Variants in CDH13 observed in about 807,000 individuals in gnomAD.
CDH13 encodes the protein cadherin 13.
In CDH13, 24 loss-of-function variants were observed where a neutral mutation model predicts 63.8. The ratio of observed to expected loss-of-function variants is 0.38; its 90% CI spans 0.27 to 0.53. The LOEUF (loss-of-function observed/expected upper bound fraction) is 0.53. CDH13 is among the 20% of genes least tolerant of loss of function. CDH13 has a pLI of 0.85. For missense variants in CDH13, 1,049 were observed against 903.1 expected, an observed-to-expected ratio of 1.16 and a Z score of -2.07; for synonymous variants, 503 against 355.3, an observed-to-expected ratio of 1.42 and a Z score of -4.67.
intron 4 of CDH13, among the ~76,000 whole-genome samples, chr16:83,174,274 C>T (rs1367386926): frequency 6.6e-6 from 1 of 152,096 alleles, no homozygotes. Context: ...CAATCCATCC[C>T]TTCCAATTAA....
Position 83,783,291 on chromosome 16 carries a change from C to G in CDH13, c.1953C>G (p.Asn651Lys), listed in dbSNP as rs374933222. 63 of 1,613,800 alleles carry G rather than the reference C, an allele frequency of 3.9e-5. 1 individual carries two copies. Among genetic ancestry groups the G allele is most frequent in the Non-Finnish European group, 5.1e-5 (60 of 1,179,856 alleles). The change falls in exon 13 of 14, where the codon AAC (asparagine) becomes AAG (lysine). Residue 651 changes from asparagine (N) to lysine (K), a missense_variant. Coordinates refer to ENST00000567109, the MANE Select transcript of CDH13 (RefSeq NM_001257.5). ...HALVSLLQNL[N>K]KANYNLPIMV... ...TGGTAAGCCTTCTTCAAAATCTGAA[C>G]AAAGCAAACTACAACCTGCCCATCA...
chr16:83,238,811 T>G (rs1031532077), intron 5 of CDH13, among the ~76,000 whole-genome samples: 2 of 152,198 alleles, frequency 1.3e-5, no homozygotes, highest in Non-Finnish European at 2.9e-5. Context: ...TTTCATTCTA[T>G]ATGAAAATAT....
chr16:83,001,197 C>T (rs765712472), intron 2 of CDH13, among the ~76,000 whole-genome samples: 7 of 152,250 alleles, frequency 4.6e-5, no homozygotes, highest in Non-Finnish European at 1.0e-4. Flanking sequence ...GACCACACAG[C>T]ATAGAAATCT....
intron 10 of CDH13, among the ~76,000 whole-genome samples, chr16:83,693,545 G>C (rs1905095126): frequency 6.6e-6 from 1 of 152,100 alleles, no homozygotes; most frequent in South Asian, 2.1e-4. Context: ...CCTCATTCCT[G>C]GTAAAATCCA....
At chr16:83,043,248 A>T (rs1597209262) in intron 3 of CDH13, among the ~76,000 whole-genome samples, 2 of 152,292 alleles carry the variant, frequency 1.3e-5, no homozygotes, top group South Asian at 4.1e-4. Flanking sequence ...AGAAAACTAT[A>T]TTCTGGAGAT....
intron 7 of CDH13, among the ~76,000 whole-genome samples, chr16:83,525,219 C>T (rs147413332): frequency 1.3e-5 from 2 of 152,252 alleles, no homozygotes; most frequent in East Asian, 3.9e-4. Context: ...TCGGATTGAC[C>T]AGGCACCTGA....
intron 11 of CDH13, among the ~76,000 whole-genome samples, chr16:83,770,320 T>G (rs541051491): frequency 6.6e-6 from 1 of 152,324 alleles, no homozygotes; most frequent in African/African-American, 2.4e-5. Context: ...CTGGCTCTTA[T>G]GGACGGGGAA....
intron 11 of CDH13, among the ~76,000 whole-genome samples, chr16:83,779,406 CAAAAAAAAAAAAAAAAAA>C: frequency 1.2e-5 from 1 of 82,580 alleles, no homozygotes; most frequent in East Asian, 4.3e-4. Flanking sequence ...GACTCCATCT[CAAAAAAAAAAAAAAAAAA>C]AAAAAAAAAA....
intron 2 of CDH13, among the ~76,000 whole-genome samples, chr16:82,916,841 A>G (rs1322294328): frequency 6.6e-6 from 1 of 152,300 alleles, no homozygotes; most frequent in South Asian, 2.1e-4. Context: ...AATATATAGC[A>G]TTTGTATTTC....
intron 5 of CDH13, among the ~76,000 whole-genome samples, chr16:83,333,839 T>C (rs1473454618): frequency 6.6e-6 from 1 of 152,156 alleles, no homozygotes; most frequent in African/African-American, 2.4e-5. Context: ...ACTTTTATTC[T>C]AAGAAGATTC....
At chr16:82,826,605 A>G (rs1302735237) in intron 1 of CDH13, 1 of 152,162 alleles carries the variant, frequency 6.6e-6, no homozygotes, top group African/African-American at 2.4e-5. Flanking sequence ...AGTCCCAATC[A>G]CTTCCAGATT....
chr16:83,249,734 T>G (rs1178192560), intron 5 of CDH13, among the ~76,000 whole-genome samples: 1 of 152,236 alleles, frequency 6.6e-6, no homozygotes, highest in African/African-American at 2.4e-5. Flanking sequence ...TCTAAGACAA[T>G]GCTACTGGTA....
chr16:82,796,080 G>T (rs537434712), intron 1 of CDH13, among the ~76,000 whole-genome samples: 1 of 151,650 alleles, frequency 6.6e-6, no homozygotes, highest in Non-Finnish European at 1.5e-5. Context: ...ACTGGTTCAT[G>T]TCAGGTTCCT....
chr16:83,587,497 C>T (rs1214240487), intron 7 of CDH13, among the ~76,000 whole-genome samples: 4 of 152,074 alleles, frequency 2.6e-5, no homozygotes, highest in Admixed American at 6.5e-5. Context: ...TGTGTGGAGC[C>T]GATTACACAG....
intron 3 of CDH13, among the ~76,000 whole-genome samples, chr16:83,051,917 C>A (rs957411458): frequency 3.2e-4 from 49 of 151,818 alleles, no homozygotes; most frequent in African/African-American, 4.8e-5. Context: ...ACTATGGTTT[C>A]TTTGGCCAAC....
chr16:82,925,102 T>A (rs2042264453), intron 2 of CDH13, among the ~76,000 whole-genome samples: 1 of 152,154 alleles, frequency 6.6e-6, no homozygotes, highest in Non-Finnish European at 1.5e-5. Context: ...CCAGACTTCA[T>A]GCTGCAAGAT....
intron 1 of CDH13, among the ~76,000 whole-genome samples, chr16:82,794,128 G>T (rs959982081): frequency 1.3e-5 from 2 of 151,800 alleles, no homozygotes; most frequent in East Asian, 3.9e-4. Context: ...ACACAAGTTC[G>T]TAAAGTTTCT....
intron 6 of CDH13, among the ~76,000 whole-genome samples, chr16:83,364,492 C>G (rs186283193): frequency 5.5e-4 from 84 of 152,286 alleles, no homozygotes; most frequent in African/African-American, 1.8e-3. Context: ...ACCTAAGTCT[C>G]ACAACTTCCC....
intron 4 of CDH13, among the ~76,000 whole-genome samples, chr16:83,151,917 G>A (rs928748784): frequency 1.6e-4 from 24 of 151,686 alleles, no homozygotes; most frequent in East Asian, 7.7e-4. Context: ...AGCCAAGATC[G>A]CGCCATTGCG....
Sources: allele counts gnomAD v4.1 joint callset (sites outside exome capture counted in the v4.1 genomes callset), GRCh38; gene constraint gnomAD v4.1.1; transcripts MANE v1.5; gene names NCBI Gene and HGNC (gene_info 2026-07-23, HGNC 2026-07-21).